Variants in NEBL observed in about 807,000 individuals in gnomAD.
The protein encoded by NEBL is nebulette.
NEBL carries 122 observed loss-of-function variants against 140.2 expected under a neutral mutation model. That is an observed-to-expected ratio of 0.87 (90% CI 0.75 to 1.01). The LOEUF (loss-of-function observed/expected upper bound fraction) is 1.01, where lower values mean the gene tolerates loss of function less well. Ranked by LOEUF, NEBL falls within the 50% of genes least tolerant of loss-of-function variation. The probability of loss-of-function intolerance (pLI) is 0.00; values close to 1 mark genes in which losing one functional copy is unlikely to be tolerated. For synonymous variants in NEBL, 436 were observed against 398.9 expected (o/e 1.09, Z -1.11); for missense variants, 1,365 against 1,231.3 (o/e 1.11, Z -1.62).
At chr10:20,852,469 G>T in intron 10 of NEBL, 76 bp downstream of exon 10, 1 of 900,686 alleles carries the variant, frequency 1.1e-6, no homozygotes, top group Non-Finnish European at 1.9e-6. Context: ...TAAGACGCAC[G>T]GCAGTGAGCG....
At chr10:20,865,520 G>T (rs1260290315) in intron 7 of NEBL, among the ~76,000 whole-genome samples, 1 of 152,106 alleles carries the variant, frequency 6.6e-6, no homozygotes, top group Non-Finnish European at 1.5e-5. Flanking sequence ...AAACCATACT[G>T]CTTCTCCGGG....
At chr10:21,161,324 ACTCGTC>A (rs1221971370) in intron 2 of NEBL, among the ~76,000 whole-genome samples, 1 of 151,596 alleles carries the variant, frequency 6.6e-6, no homozygotes, top group African/African-American at 2.4e-5. Flanking sequence ...GAGCCACCAT[ACTCGTC>A]CTCTATTCCT....
intron 1 of NEBL, among the ~76,000 whole-genome samples, chr10:21,280,546 G>A (rs1490568795): frequency 2.0e-5 from 3 of 151,956 alleles, no homozygotes; most frequent in Non-Finnish European, 2.9e-5. Context: ...GGTGAACAGG[G>A]GTCCCCCAGA....
intron 1 of NEBL, among the ~76,000 whole-genome samples, chr10:21,258,441 G>C (rs7904635): frequency 6.6e-6 from 1 of 151,830 alleles, no homozygotes; most frequent in Non-Finnish European, 1.5e-5. Flanking sequence ...GCTGTGGCTC[G>C]TACCTGTAAT....
intron 2 of NEBL, among the ~76,000 whole-genome samples, chr10:21,162,025 G>A (rs1308629583): frequency 6.6e-6 from 1 of 152,150 alleles, no homozygotes; most frequent in East Asian, 1.9e-4. Flanking sequence ...CCTTTTCCAG[G>A]GAAGAGAGGG....
At chr10:21,197,752 C>G (rs1841673703) in intron 3 of NEBL, among the ~76,000 whole-genome samples, 1 of 152,172 alleles carries the variant, frequency 6.6e-6, no homozygotes, top group African/African-American at 2.4e-5. Context: ...GTTAAGTTTT[C>G]CCTTTGAGAT....
intron 2 of NEBL, among the ~76,000 whole-genome samples, chr10:21,129,268 C>G (rs1333134151): frequency 6.6e-6 from 1 of 151,608 alleles, no homozygotes; most frequent in Non-Finnish European, 1.5e-5. Flanking sequence ...AATTTTTTAA[C>G]TTTTTTATTT....
intron 3 of NEBL, among the ~76,000 whole-genome samples, chr10:21,222,857 G>C (rs1366755394): frequency 1.3e-5 from 2 of 152,160 alleles, no homozygotes; most frequent in African/African-American, 4.8e-5. Flanking sequence ...CTGCCTTCCA[G>C]GTTCAAGTAA....
intron 2 of NEBL, among the ~76,000 whole-genome samples, chr10:21,041,209 G>A (rs1329334404): frequency 2.6e-5 from 4 of 152,086 alleles, no homozygotes; most frequent in African/African-American, 4.8e-5. Flanking sequence ...CTCCTCCCAC[G>A]CTCCACCCTC....
rs768944438 is a variant in NEBL at position 20,828,540 on chromosome 10, T to C, written c.1766A>G (p.Asn589Ser). 1.3e-6 allele frequency: 2 copies of C among 1,578,072 alleles called. No individual in the cohort carries two copies. Among genetic ancestry groups the C allele is most frequent in the South Asian group, 1.1e-5 (1 of 90,312 alleles). Residue 589 changes from asparagine (N) to serine (S), a missense_variant, in exon 17 of 28, where the codon AAC becomes AGC. This residue lies in a region of NEBL where 1,323 missense variants were observed against 1,154.8 expected (regional missense o/e 1.15). Transcript: ENST00000377122. Reference sequence around the variant, plus strand: ...GTAATGGCTACTCACCGCACTAATGTTTTGTTGAGTTGTCTTAATTCTCTG... The same window carrying C: ...GTAATGGCTACTCACCGCACTAATGCTTTGTTGAGTTGTCTTAATTCTCTG... ...EIQRIKTTQQNISAVFYKKEV... is the reference protein window; with the variant it reads ...EIQRIKTTQQSISAVFYKKEV...
intron 2 of NEBL, among the ~76,000 whole-genome samples, chr10:20,896,515 T>C (rs1847505817): frequency 7.3e-6 from 1 of 137,790 alleles, no homozygotes; most frequent in South Asian, 2.3e-4. Context: ...TATATATATA[T>C]ATGCATTTTC....
intron 4 of NEBL, among the ~76,000 whole-genome samples, chr10:20,921,779 A>G (rs1242138249): frequency 1.0e-5 from 1 of 99,428 alleles, no homozygotes; most frequent in Non-Finnish European, 2.2e-5. Context: ...ACATACATGT[A>G]CATGCACACA....
At chr10:21,073,370 A>T (rs1835906653) in intron 2 of NEBL, among the ~76,000 whole-genome samples, 1 of 151,722 alleles carries the variant, frequency 6.6e-6, no homozygotes, top group Non-Finnish European at 1.5e-5. Flanking sequence ...TAATCCCAGC[A>T]CTTTGGGAGG....
intron 2 of NEBL, among the ~76,000 whole-genome samples, chr10:21,078,785 G>GT (rs1422670628): frequency 1.3e-5 from 2 of 152,202 alleles, no homozygotes; most frequent in South Asian, 4.1e-4. Context: ...AAGAAAAAGA[G>GT]TAAGAGACAG....
intron 4 of NEBL, among the ~76,000 whole-genome samples, chr10:20,884,031 C>T (rs1846242922): frequency 1.3e-5 from 2 of 152,266 alleles, no homozygotes; most frequent in South Asian, 4.2e-4. Flanking sequence ...TAGATTAATG[C>T]TGTTTTCTTC....
At chr10:21,258,980 A>G (rs1842700876) in intron 1 of NEBL, among the ~76,000 whole-genome samples, 2 of 151,912 alleles carry the variant, frequency 1.3e-5, no homozygotes, top group African/African-American at 4.8e-5. Context: ...TCCTATGATT[A>G]CCCCCATTTT....
chr10:21,028,585 A>G (rs575034743), intron 2 of NEBL, among the ~76,000 whole-genome samples: 6 of 152,306 alleles, frequency 3.9e-5, no homozygotes, highest in African/African-American at 1.4e-4. Flanking sequence ...GAATTAAAGT[A>G]TTCTAAGATC....
chr10:21,279,629 G>A (rs2132296731), intron 1 of NEBL, among the ~76,000 whole-genome samples: 1 of 152,044 alleles, frequency 6.6e-6, no homozygotes, highest in South Asian at 2.1e-4. Context: ...ATGGTGGCAG[G>A]CACCTGTAAT....
chr10:21,236,505 G>A (rs1371184376), intron 3 of NEBL, among the ~76,000 whole-genome samples: 3 of 151,772 alleles, frequency 2.0e-5, no homozygotes, highest in East Asian at 1.9e-4. Context: ...ACACGACCAC[G>A]CCTGGCTAAT....
Sources: gnomAD v4.1 joint callset for allele counts (sites outside exome capture counted in the v4.1 genomes callset) on GRCh38, gnomAD v4.1.1 for gene constraint, gnomAD v4.1.1 regional missense constraint, MANE v1.5 for transcripts, NCBI Gene and HGNC (gene_info 2026-07-23, HGNC 2026-07-21) for gene names.